Variants in FAM209A observed in about 807,000 individuals in gnomAD.
FAM209A encodes the protein family with sequence similarity 209 member A, also known as protein FAM209A.
A neutral mutation model predicts 9.8 loss-of-function variants in FAM209A; 4 were observed. The observed-to-expected ratio is 0.41, with a 90% CI of 0.20 to 0.94. FAM209A has a LOEUF of 0.94. FAM209A is among the 40% of genes least tolerant of loss of function. The probability of loss-of-function intolerance (pLI) is 0.32; values close to 1 mark genes in which losing one functional copy is unlikely to be tolerated. For missense variants in FAM209A, 205 were observed against 209.4 expected, an observed-to-expected ratio of 0.98 and a Z score of 0.13; for synonymous variants, 55 against 77.8, an observed-to-expected ratio of 0.71 and a Z score of 1.54.
chr20:56,528,894 G>GT (rs1239409101), downstream of FAM209A, among the ~76,000 whole-genome samples: 2 of 152,114 alleles, frequency 1.3e-5, no homozygotes, highest in African/African-American at 2.4e-5. Flanking sequence ...TATCATCCCT[G>GT]TTTAATGAAG....
downstream of FAM209A, among the ~76,000 whole-genome samples, chr20:56,526,329 T>G (rs368893852): frequency 2.6e-5 from 4 of 152,318 alleles, no homozygotes; most frequent in East Asian, 5.8e-4. Flanking sequence ...CTCGTGCTTC[T>G]GTTCAATGGC....
At chr20:56,532,125 C>A in the FAM209A span, among the ~76,000 whole-genome samples, 2 of 151,810 alleles carry the variant, frequency 1.3e-5, no homozygotes, top group African/African-American at 4.8e-5. Context: ...CAGGCACATG[C>A]CACCATGCCT....
At chr20:56,529,922 G>A (rs546922316), downstream of FAM209A, among the ~76,000 whole-genome samples, 2 of 152,358 alleles carry the variant, frequency 1.3e-5, no homozygotes, top group South Asian at 4.1e-4. Context: ...TCAGGAGGCT[G>A]AGGAGTGAGA....
downstream of FAM209A, among the ~76,000 whole-genome samples, chr20:56,529,343 C>G (rs1292533244): frequency 6.6e-6 from 1 of 151,618 alleles, no homozygotes; most frequent in East Asian, 1.9e-4. Context: ...AAGGTGAAAC[C>G]CTGTCTCTAC....
the FAM209A span, among the ~76,000 whole-genome samples, chr20:56,532,659 T>C: frequency 3.3e-5 from 5 of 151,914 alleles, no homozygotes; most frequent in Admixed American, 3.3e-4. Flanking sequence ...AATTTTTGTA[T>C]TTTTAGTAAA....
the FAM209A span, chr20:56,533,115 C>T: frequency 7.1e-7 from 1 of 1,407,010 alleles, no homozygotes; most frequent in Admixed American, 2.9e-5. Context: ...TGCCTATCCT[C>T]TCTCTCTGAC....
At chr20:56,533,269 A>G in the FAM209A span, 36 of 1,591,750 alleles carry the variant, frequency 2.3e-5, no homozygotes, top group Non-Finnish European at 2.8e-5. Context: ...GCCTGGCACC[A>G]GGTGCCCAGT....
chr20:56,532,480 C>CTTTTTTTTTT, the FAM209A span, among the ~76,000 whole-genome samples: 3 of 108,260 alleles, frequency 2.8e-5, no homozygotes, highest in African/African-American at 3.8e-5. Flanking sequence ...TTTTCTTTTT[C>CTTTTTTTTTT]TTTTTTTTTT....
downstream of FAM209A, among the ~76,000 whole-genome samples, chr20:56,526,368 CTG>C (rs1454700126): frequency 1.3e-5 from 2 of 152,166 alleles, no homozygotes; most frequent in African/African-American, 4.8e-5. Flanking sequence ...CTAGGGAAAT[CTG>C]GGATAAGATG....
chr20:56,531,384 T>C, the FAM209A span, among the ~76,000 whole-genome samples: 1 of 150,568 alleles, frequency 6.6e-6, no homozygotes, highest in South Asian at 2.1e-4. Flanking sequence ...CCGCAACCTC[T>C]GCCTCCCAGG....
chr20:56,533,097 C>G, the FAM209A span: 2 of 1,352,138 alleles, frequency 1.5e-6, no homozygotes, highest in African/African-American at 1.5e-5. Flanking sequence ...GGAATTGGCA[C>G]CCCGTCGTGC....
chr20:56,530,728 C>G (rs1055246202), downstream of FAM209A, among the ~76,000 whole-genome samples: 2 of 148,506 alleles, frequency 1.3e-5, no homozygotes, highest in South Asian at 2.1e-4. Flanking sequence ...AGGCTGGTCT[C>G]GAACTCCTGA....
At chr20:56,526,971 G>A (rs191278804), downstream of FAM209A, among the ~76,000 whole-genome samples, 3 of 152,314 alleles carry the variant, frequency 2.0e-5, no homozygotes, top group East Asian at 5.8e-4. Flanking sequence ...TTGGATACAA[G>A]TGTGCTAACC....
chr20:56,530,744 GA>G (rs751212088), downstream of FAM209A, among the ~76,000 whole-genome samples: 6 of 150,486 alleles, frequency 4.0e-5, 1 homozygote, highest in East Asian at 2.0e-4. Context: ...CCTGACCTCA[GA>G]TGATCTGCTC....
At chr20:56,531,303 T>TC in the FAM209A span, among the ~76,000 whole-genome samples, 1 of 150,998 alleles carries the variant, frequency 6.6e-6, no homozygotes, top group Non-Finnish European at 1.5e-5. Context: ...TTCTTTGTTT[T>TC]TTTTTTTTTT....
At chr20:56,525,664 G>C in intron 1 of FAM209A, 140 bp from the exon 2 acceptor site, 1 of 838,408 alleles carries the variant, frequency 1.2e-6, no homozygotes, top group Non-Finnish European at 1.9e-6. Flanking sequence ...CCCGTAAAGG[G>C]CCAGGGAGGG....
chr20:56,530,301 C>A (rs1257239513), downstream of FAM209A, among the ~76,000 whole-genome samples: 4 of 152,170 alleles, frequency 2.6e-5, no homozygotes, highest in Non-Finnish European at 5.9e-5. Flanking sequence ...GATGTCAGGA[C>A]AAAGGGAAGA....
downstream of FAM209A, among the ~76,000 whole-genome samples, chr20:56,527,257 C>T (rs1022748768): frequency 3.3e-5 from 5 of 151,756 alleles, no homozygotes; most frequent in African/African-American, 4.8e-5. Context: ...CCACCTTTGG[C>T]GTTAGGAGCT....
chr20:56,526,396 T>C (rs1231196090), downstream of FAM209A, among the ~76,000 whole-genome samples: 1 of 152,220 alleles, frequency 6.6e-6, no homozygotes, highest in Admixed American at 6.5e-5. Flanking sequence ...GTCACTTCCA[T>C]ACAAACTCTT....
Sources: gnomAD v4.1 joint callset for allele counts (sites outside exome capture counted in the v4.1 genomes callset) on GRCh38, gnomAD v4.1.1 for gene constraint, MANE v1.5 for transcripts, NCBI Gene and HGNC (gene_info 2026-07-23, HGNC 2026-07-21) for gene names.